TRIQK: variants seen among roughly 807,000 people sequenced by gnomAD.
TRIQK encodes the protein triple QxxK/R motif containing.
In TRIQK, 10 loss-of-function variants were observed where a neutral mutation model predicts 10.8. The observed-to-expected ratio is 0.92, with a 90% CI of 0.57 to 1.57. The LOEUF is 1.57. Ranked by LOEUF, TRIQK falls within the 40% of genes most tolerant of loss-of-function variation. The probability of loss-of-function intolerance (pLI) is 0.00; values close to 1 mark genes in which losing one functional copy is unlikely to be tolerated. For missense variants in TRIQK, 107 were observed against 97.7 expected, an observed-to-expected ratio of 1.09 and a Z score of -0.40; for synonymous variants, 33 against 33.7, an observed-to-expected ratio of 0.98 and a Z score of 0.07.
intron 2 of TRIQK, among the ~76,000 whole-genome samples, chr8:92,946,487 G>A (rs1345301600): frequency 6.6e-6 from 1 of 151,898 alleles, no homozygotes; most frequent in African/African-American, 2.4e-5. Flanking sequence ...TTTCAAATAA[G>A]GCATTTAAAA....
chr8:92,934,938 G>T (rs1255310717), intron 2 of TRIQK, among the ~76,000 whole-genome samples: 1 of 151,726 alleles, frequency 6.6e-6, no homozygotes, highest in African/African-American at 2.4e-5. Context: ...AAAATAGATG[G>T]AATAGTACAA....
At chr8:92,960,010 T>G (rs2130706410) in intron 1 of TRIQK, among the ~76,000 whole-genome samples, 1 of 152,290 alleles carries the variant, frequency 6.6e-6, no homozygotes, top group Non-Finnish European at 1.5e-5. Context: ...GGAAAACATT[T>G]ATTTTCTTTA....
chr8:93,006,894 C>G (rs1265358693), intron 1 of TRIQK, among the ~76,000 whole-genome samples: 2 of 152,210 alleles, frequency 1.3e-5, no homozygotes, highest in African/African-American at 4.8e-5. Context: ...TGGCCACGGT[C>G]TCTGTGGATA....
upstream of TRIQK, among the ~76,000 whole-genome samples, chr8:92,970,233 G>C (rs765799589): frequency 5.9e-5 from 9 of 152,156 alleles, no homozygotes; most frequent in Non-Finnish European, 1.0e-4. Context: ...TTGCTATGGT[G>C]CATAGTGCTG....
chr8:93,011,197 CACACACACATATAT>C (rs1200885209), intron 1 of TRIQK, among the ~76,000 whole-genome samples: 2 of 135,224 alleles, frequency 1.5e-5, no homozygotes, highest in Non-Finnish European at 3.3e-5. Flanking sequence ...CACACACACA[CACACACACATATAT>C]ATATATATAT....
intron 2 of TRIQK, among the ~76,000 whole-genome samples, chr8:92,928,386 A>G (rs926836637): frequency 2.6e-5 from 4 of 152,158 alleles, no homozygotes; most frequent in Non-Finnish European, 5.9e-5. Context: ...TCAAGAGTCT[A>G]GTTAGTACCA....
intron 2 of TRIQK, among the ~76,000 whole-genome samples, chr8:92,923,280 A>G (rs1417367129): frequency 6.6e-6 from 1 of 151,776 alleles, no homozygotes; most frequent in East Asian, 1.9e-4. Flanking sequence ...TAGCACATAC[A>G]GCCGCAATTT....
rs1377932364 is a variant in TRIQK at position 92,886,664 on chromosome 8, G to A, written c.219C>T (p.Leu73=). Residue 73 remains leucine (L), a synonymous_variant, in exon 5 of 5, where the codon CTC becomes CTT. Coordinates refer to ENST00000521988, the MANE Select transcript of TRIQK (RefSeq NM_001171797.2). ...LAFYAFFYLR[L]TTDVDPDLDQ... ...CCAGATCAGGGTCAACATCCGTGGTGAGTCTGAGATAAAAGAAAGCATAGA... is the reference window on the plus strand; with the variant it reads ...CCAGATCAGGGTCAACATCCGTGGTAAGTCTGAGATAAAAGAAAGCATAGA... The A allele has an allele frequency of 6.5e-7, 1 of 1,531,382 alleles. No homozygotes were observed. Among genetic ancestry groups the A allele is most frequent in the Admixed American group, 2.0e-5 (1 of 50,672 alleles). The allele number at this position is 1,531,382 out of a possible 1,614,324, so 94.9% of individuals were successfully genotyped here.
At chr8:92,975,830 A>G (rs978186402) in intron 1 of TRIQK, among the ~76,000 whole-genome samples, 12 of 151,908 alleles carry the variant, frequency 7.9e-5, no homozygotes, top group African/African-American at 2.9e-4. Context: ...CCTCCAATCC[A>G]TACTTAAGCT....
At chr8:92,956,191 T>A (rs993111686) in intron 1 of TRIQK, among the ~76,000 whole-genome samples, 1 of 151,804 alleles carries the variant, frequency 6.6e-6, no homozygotes, top group African/African-American at 2.4e-5. Context: ...TATATCTATA[T>A]GGTGGAATAT....
chr8:93,003,235 G>C (rs943946223), intron 1 of TRIQK, among the ~76,000 whole-genome samples: 2 of 151,714 alleles, frequency 1.3e-5, no homozygotes, highest in Admixed American at 1.3e-4. Context: ...GGCATGGCTG[G>C]GTGGGGGCGG....
chr8:92,905,812 G>A (rs537808753), intron 3 of TRIQK, among the ~76,000 whole-genome samples: 3 of 152,236 alleles, frequency 2.0e-5, no homozygotes, highest in African/African-American at 7.2e-5. Context: ...TCAGTCTCTA[G>A]GGTTTTGGAA....
chr8:92,995,244 C>T lies in TRIQK; in HGVS notation c.-181+22365G>A, dbSNP rs935147670. 1.1e-4 allele frequency among the ~76,000 whole-genome samples: 16 copies of T among 152,168 alleles called. No individual in the cohort carries two copies. The East Asian group carries it at 2.1e-3, about 20-fold the overall frequency. The stretch of plus-strand genomic sequence containing the variant: ...TATTATCTTAATGCCTGTTATCCCG[C>T]TATTCCCTTGTTACCAGTGCTATGA... On this transcript the variant is annotated intron_variant, in intron 1 of 4. Transcript: ENST00000520686.
At chr8:92,935,288 C>A (rs1336822908) in intron 2 of TRIQK, among the ~76,000 whole-genome samples, 1 of 151,658 alleles carries the variant, frequency 6.6e-6, no homozygotes, top group Non-Finnish European at 1.5e-5. Flanking sequence ...CCAACTTGAT[C>A]AATGTTGTGA....
intron 2 of TRIQK, among the ~76,000 whole-genome samples, chr8:92,924,722 G>C (rs1810358194): frequency 6.6e-6 from 1 of 151,616 alleles, no homozygotes; most frequent in South Asian, 2.1e-4. Context: ...AGTATTATAA[G>C]TAATATTAAT....
chr8:92,999,650 A>G (rs1020415032), intron 1 of TRIQK, among the ~76,000 whole-genome samples: 32 of 152,204 alleles, frequency 2.1e-4, no homozygotes, highest in African/African-American at 6.0e-4. Flanking sequence ...CTTCTGATGC[A>G]CAGGCCAGAA....
At chr8:92,913,766 A>G (rs1809688641) in intron 3 of TRIQK, among the ~76,000 whole-genome samples, 1 of 152,210 alleles carries the variant, frequency 6.6e-6, no homozygotes, top group Non-Finnish European at 1.5e-5. Context: ...TGGCACATAT[A>G]CACCATGGAA....
At chr8:92,912,061 C>T (rs1471531546) in intron 3 of TRIQK, among the ~76,000 whole-genome samples, 1 of 151,176 alleles carries the variant, frequency 6.6e-6, no homozygotes, top group Non-Finnish European at 1.5e-5. Context: ...TTAAACAATA[C>T]TACAGAACAA....
upstream of TRIQK, among the ~76,000 whole-genome samples, chr8:92,971,083 T>C (rs1812872765): frequency 6.6e-6 from 1 of 152,166 alleles, no homozygotes; most frequent in South Asian, 2.1e-4. Context: ...TTTTTTCCTG[T>C]TTGTCAAAAA....
Sources: gnomAD v4.1 joint callset for allele counts (sites outside exome capture counted in the v4.1 genomes callset) on GRCh38, gnomAD v4.1.1 for gene constraint, MANE v1.5 for transcripts, NCBI Gene and HGNC (gene_info 2026-07-23, HGNC 2026-07-21) for gene names.